The following AGGF1 variants were observed in gnomAD, a reference collection of about 807,000 sequenced individuals.
The protein encoded by AGGF1 is angiogenic factor with G-patch and FHA domains 1.
AGGF1 carries 56 observed loss-of-function variants against 86.5 expected under a neutral mutation model. That is an observed-to-expected ratio of 0.65 (90% CI 0.52 to 0.81). The LOEUF (loss-of-function observed/expected upper bound fraction) is 0.81. AGGF1 is among the 30% of genes least tolerant of loss of function. The pLI, the probability that AGGF1 is intolerant of heterozygous loss-of-function variation, is 0.00. For missense variants in AGGF1, 816 were observed against 850.9 expected, an observed-to-expected ratio of 0.96 and a Z score of 0.51; for synonymous variants, 313 against 297.1, an observed-to-expected ratio of 1.05 and a Z score of -0.55.
At chr5:77,063,026 G>A in intron 13 of AGGF1, 26 bp from the exon 14 acceptor site, 1 of 1,613,266 alleles carries the variant, frequency 6.2e-7, no homozygotes, top group Non-Finnish European at 8.5e-7. Flanking sequence ...TCTAAAATAA[G>A]TCCTCTGCTC....
At chr5:77,058,298 A>G (rs1345583320) in intron 11 of AGGF1, among the ~76,000 whole-genome samples, 1 of 152,216 alleles carries the variant, frequency 6.6e-6, no homozygotes. Flanking sequence ...TACTTTTGAG[A>G]AACTAAAGCT....
intron 5 of AGGF1, 42 bp from the exon 6 acceptor site, chr5:77,046,305 G>A (rs144236564): frequency 3.5e-4 from 522 of 1,485,068 alleles, no homozygotes; most frequent in Non-Finnish European, 4.2e-4. Flanking sequence ...ATGTTTAAGA[G>A]TATTCTCCCC....
intron 12 of AGGF1, among the ~76,000 whole-genome samples, 156 bp downstream of exon 12, chr5:77,059,899 T>C (rs1333611714): frequency 2.0e-5 from 3 of 152,208 alleles, no homozygotes; most frequent in Admixed American, 6.5e-5. Context: ...TGGAGTGCAG[T>C]GGTGTGGTCT....
chr5:77,034,576 G>C, intron 2 of AGGF1, 56 bp downstream of exon 2: 4 of 1,208,992 alleles, frequency 3.3e-6, no homozygotes, highest in Non-Finnish European at 1.2e-6. Flanking sequence ...TCATGCTAAT[G>C]TTGCGTTTTC....
intron 1 of AGGF1, among the ~76,000 whole-genome samples, chr5:77,032,458 A>G (rs1451529174): frequency 6.6e-6 from 1 of 151,076 alleles, no homozygotes; most frequent in East Asian, 2.0e-4. Context: ...AGTCCCAGCT[A>G]CAGGCTGAGG....
At chr5:77,039,765 G>A (rs1747035240) in intron 5 of AGGF1, 46 bp downstream of exon 5, 3 of 1,536,622 alleles carry the variant, frequency 2.0e-6, no homozygotes, top group Admixed American at 1.8e-5. Flanking sequence ...GTGATAACAT[G>A]ATAATTAAGA....
chr5:77,048,690 G>A (rs1005211442), intron 7 of AGGF1, among the ~76,000 whole-genome samples: 5 of 152,128 alleles, frequency 3.3e-5, no homozygotes, highest in African/African-American at 1.2e-4. Flanking sequence ...GATACAAAGA[G>A]GACTAATGCA....
intron 1 of AGGF1, 28 bp downstream of exon 1, chr5:77,031,004 C>T (rs1390247881): frequency 1.9e-6 from 3 of 1,609,848 alleles, no homozygotes; most frequent in South Asian, 2.2e-5. Context: ...GCCCCGCGCC[C>T]CATCCAGCCC....
chr5:77,061,510 G>A (rs967220227), intron 12 of AGGF1, among the ~76,000 whole-genome samples, 193 bp from the exon 13 acceptor site: 3 of 152,214 alleles, frequency 2.0e-5, no homozygotes, highest in African/African-American at 7.2e-5. Context: ...TTGTATGTGT[G>A]TTTTGGTGCA....
At chr5:77,039,157 T>C (rs1747018655) in intron 4 of AGGF1, among the ~76,000 whole-genome samples, 1 of 152,116 alleles carries the variant, frequency 6.6e-6, no homozygotes, top group Non-Finnish European at 1.5e-5. Context: ...GCTCATATGG[T>C]CAGCTTTTTC....
chr5:77,051,325 C>T (rs1170212519), intron 8 of AGGF1, among the ~76,000 whole-genome samples: 2 of 150,882 alleles, frequency 1.3e-5, no homozygotes, highest in African/African-American at 2.4e-5. Context: ...CCCAGCTACT[C>T]GGGAGGCTGA....
At chr5:77,039,010 A>C (rs1747015652) in intron 4 of AGGF1, among the ~76,000 whole-genome samples, 1 of 152,136 alleles carries the variant, frequency 6.6e-6, no homozygotes, top group Non-Finnish European at 1.5e-5. Flanking sequence ...CTTTATTTTC[A>C]AAATTTTCTT....
At chr5:77,047,805 A>C (rs1201488489) in intron 6 of AGGF1, among the ~76,000 whole-genome samples, 2 of 141,502 alleles carry the variant, frequency 1.4e-5, no homozygotes, top group African/African-American at 2.6e-5. Context: ...GGTGTGGACC[A>C]CTGTGCCTGG....
chr5:77,062,099 G>A (rs1209610249), intron 13 of AGGF1, among the ~76,000 whole-genome samples: 1 of 152,156 alleles, frequency 6.6e-6, no homozygotes, highest in Non-Finnish European at 1.5e-5. Flanking sequence ...ATAACTGTCA[G>A]AGCACTCAAG....
intron 4 of AGGF1, among the ~76,000 whole-genome samples, chr5:77,037,624 A>G (rs1252909964): frequency 6.6e-6 from 1 of 152,138 alleles, no homozygotes; most frequent in African/African-American, 2.4e-5. Flanking sequence ...AAAAATTTTA[A>G]AAGTCAGCTG....
At chr5:77,040,420 T>TA (rs11320289) in intron 5 of AGGF1, among the ~76,000 whole-genome samples, 33,036 of 139,354 alleles carry the variant, frequency 0.24, 4,120 homozygotes, top group Non-Finnish European at 0.3. Context: ...AGGAAAATAT[T>TA]AAAAAAAAAA....
intron 1 of AGGF1, among the ~76,000 whole-genome samples, chr5:77,032,252 T>TAA (rs35068401): frequency 0.26 from 27,751 of 107,144 alleles, 4,253 homozygotes; most frequent in East Asian, 0.29. Flanking sequence ...ACAAATATGG[T>TAA]AAAAAAAAAA....
chr5:77,054,348 A>G (rs909851726), intron 10 of AGGF1, among the ~76,000 whole-genome samples: 8 of 152,232 alleles, frequency 5.3e-5, no homozygotes, highest in African/African-American at 1.4e-4. Flanking sequence ...GAAATAACAT[A>G]TATTTGGAAG....
intron 8 of AGGF1, among the ~76,000 whole-genome samples, chr5:77,049,451 A>G (rs899470156): frequency 1.3e-5 from 2 of 152,180 alleles, no homozygotes; most frequent in African/African-American, 4.8e-5. Context: ...GAAAAAGAAC[A>G]ATTGAGTTTT....
Sources: allele counts gnomAD v4.1 joint callset (sites outside exome capture counted in the v4.1 genomes callset), GRCh38; gene constraint gnomAD v4.1.1; transcripts MANE v1.5; gene names NCBI Gene and HGNC (gene_info 2026-07-23, HGNC 2026-07-21).